The following ZNF254 variants were observed in gnomAD, a reference collection of about 807,000 sequenced individuals.
ZNF254 encodes zinc finger protein 254, also known as CTD-2017D11.1.
Under a neutral mutation model 12.4 loss-of-function variants are expected in ZNF254, and 10 were observed. That is an observed-to-expected ratio of 0.80 (90% CI 0.50 to 1.36). The LOEUF (loss-of-function observed/expected upper bound fraction) is 1.36, where lower values mean the gene tolerates loss of function less well. ZNF254 is among the 40% of genes most tolerant of loss of function. The pLI, the probability that ZNF254 is intolerant of heterozygous loss-of-function variation, is 0.00. For missense variants in ZNF254, 996 were observed against 763.9 expected (o/e 1.30, Z -3.58); for synonymous variants, 305 against 253.4 (o/e 1.20, Z -1.93).
intron 3 of ZNF254, among the ~76,000 whole-genome samples, chr19:24,116,815 C>G: frequency 6.6e-6 from 1 of 152,064 alleles, no homozygotes; most frequent in South Asian, 2.1e-4. Context: ...TTTTCCCCAT[C>G]TTTGTGGTTT....
At chr19:24,124,075 T>C (rs1282337764) in intron 3 of ZNF254, among the ~76,000 whole-genome samples, 3 of 152,082 alleles carry the variant, frequency 2.0e-5, no homozygotes, top group Non-Finnish European at 2.9e-5. Context: ...TTTCCATCTT[T>C]CTTTGTGTCT....
chr19:24,081,003 G>A (rs1167754478), intron 2 of ZNF254, among the ~76,000 whole-genome samples: 1 of 147,138 alleles, frequency 6.8e-6, no homozygotes, highest in Non-Finnish European at 1.5e-5. Context: ...CATAAACCCG[G>A]GAGGCCGAAG....
At chr19:24,093,348 C>T (rs1972502734) in intron 1 of ZNF254, among the ~76,000 whole-genome samples, 1 of 151,994 alleles carries the variant, frequency 6.6e-6, no homozygotes, top group African/African-American at 2.4e-5. Context: ...TTTGTATCTT[C>T]AATTATGAAT....
intron 1 of ZNF254, among the ~76,000 whole-genome samples, chr19:24,045,038 C>T (rs1212516714): frequency 6.6e-6 from 1 of 152,208 alleles, no homozygotes; most frequent in Non-Finnish European, 1.5e-5. Context: ...GATTGTCTCT[C>T]TTAGCTGAGA....
In ZNF254 at chr19:24,048,747, C is replaced by T. The variant is rs181016482; in HGVS notation, c.-94+2468C>T. 4.7e-4 allele frequency among the ~76,000 whole-genome samples: 71 copies of T among 151,658 alleles called. 1 individual carries two copies. Among genetic ancestry groups the T allele is most frequent in the African/African-American group, 1.5e-3 (64 of 41,314 alleles). On this transcript the variant is annotated intron_variant, in intron 2 of 4. Coordinates refer to the ZNF254 transcript ENST00000613065. ...TGCTCCTTCCTGTACACTGCAGTTG[C>T]TGTTGTTTTAGATTTCTTTCACCTA...
In ZNF254 at chr19:24,093,799, A is replaced by AT. The variant is rs563922669; in HGVS notation, c.30+6473dup. Among the ~76,000 whole-genome samples the AT allele has an allele frequency of 1.7e-4, 26 of 148,668 alleles. 1 individual carries two copies. The highest frequency in any genetic ancestry group is 5.9e-4 in the East Asian group (3 of 5,088). On this transcript the variant is annotated intron_variant, in intron 1 of 3. Coordinates refer to ENST00000357002, the MANE Select transcript of ZNF254 (RefSeq NM_203282.4). ...TTGGTTTTATATGAATTTTACAATA[A>AT]TTTTTTTTTTTAGTTCTTTTAAAAA...
intron 2 of ZNF254, chr19:24,049,080 A>G (rs1380117734): frequency 1.3e-4 from 18 of 140,458 alleles, no homozygotes; most frequent in Admixed American, 1.0e-3. Context: ...CTACCTACCT[A>G]ACTACCTACC....
At chr19:24,052,919 G>T (rs1447407379) in intron 2 of ZNF254, among the ~76,000 whole-genome samples, 1 of 152,056 alleles carries the variant, frequency 6.6e-6, no homozygotes, top group Non-Finnish European at 1.5e-5. Context: ...TTTCTTCTTT[G>T]TATGAAGGTC....
intron 1 of ZNF254, among the ~76,000 whole-genome samples, chr19:24,037,532 C>T (rs1199962795): frequency 6.6e-6 from 1 of 152,222 alleles, no homozygotes; most frequent in Non-Finnish European, 1.5e-5. Context: ...CTCCTGGGCT[C>T]AAGCAGTTCT....
chr19:24,048,796 A>G (rs1970508824), intron 2 of ZNF254: 1 of 151,876 alleles, frequency 6.6e-6, no homozygotes, highest in African/African-American at 2.4e-5. Context: ...TTACTTGATC[A>G]CAGCTAACTA....
In ZNF254 at chr19:24,034,137, A is replaced by G. The variant is rs544223157; in HGVS notation, c.-190+516A>G. ...CACGCCTGGCTAGTTTTGTATTTCTAGTAGAGAAGTGGTTTTGCCATGGTG... is the reference window on the plus strand; with the variant it reads ...CACGCCTGGCTAGTTTTGTATTTCTGGTAGAGAAGTGGTTTTGCCATGGTG... On this transcript the variant is annotated intron_variant, in intron 1 of 4. Transcript: ENST00000613065. 4.6e-5 allele frequency among the ~76,000 whole-genome samples: 7 copies of G among 152,134 alleles called. No homozygotes were observed. The South Asian group carries it at 8.3e-4, about 18-fold the overall frequency.
At chr19:24,105,385 G>C in intron 1 of ZNF254, 1 of 240,896 alleles carries the variant, frequency 4.2e-6, no homozygotes, top group Non-Finnish European at 8.0e-6. Flanking sequence ...AAAAACAACA[G>C]GCTCTTCCAC....
chr19:24,117,623 A>C (rs748811838), intron 3 of ZNF254, among the ~76,000 whole-genome samples: 2 of 152,044 alleles, frequency 1.3e-5, no homozygotes, highest in Non-Finnish European at 2.9e-5. Context: ...TAGGAAAGGG[A>C]ACTCCCTGAC....
In ZNF254 at chr19:24,126,796, T is replaced by C; in HGVS notation, c.796T>C (p.Tyr266His). ...AATAATTCATGCTGGAGAGAAACTC[T>C]ACAAATGTGAAGAATGTGGTGAAGC... is the stretch of plus-strand genomic sequence containing the variant. ...HEIIHAGEKL[Y>H]KCEECGEAFN... is the part of the protein sequence containing the mutation. Residue 266 changes from tyrosine (Y) to histidine (H), a missense_variant, in exon 4 of 4, where the codon TAC becomes CAC. Tyr to His is a moderately conservative substitution (Grantham distance 83, BLOSUM62 2). Coordinates refer to ENST00000357002, the MANE Select transcript of ZNF254 (RefSeq NM_203282.4). 2 of 1,613,314 alleles carry C rather than the reference T, an allele frequency of 1.2e-6. No homozygotes were observed. The highest frequency in any genetic ancestry group is 1.7e-6 in the Non-Finnish European group (2 of 1,179,738).
upstream of ZNF254, among the ~76,000 whole-genome samples, chr19:24,085,728 C>T (rs1005735247): frequency 1.3e-4 from 20 of 151,018 alleles, no homozygotes; most frequent in Non-Finnish European, 2.2e-4. Context: ...GCCAAGATTG[C>T]GCCACTGCAC....
chr19:24,051,558 A>C (rs866773469), intron 2 of ZNF254, among the ~76,000 whole-genome samples: 7 of 152,058 alleles, frequency 4.6e-5, no homozygotes, highest in African/African-American at 1.7e-4. Flanking sequence ...ATCTCTGCAC[A>C]AAAAGGGATT....
intron 2 of ZNF254, among the ~76,000 whole-genome samples, chr19:24,059,038 G>C (rs913439490): frequency 1.3e-5 from 2 of 152,212 alleles, no homozygotes; most frequent in South Asian, 4.1e-4. Flanking sequence ...TCCACCTGCA[G>C]CAAAGATTGT....
Position 24,126,273 on chromosome 19 carries a change from T to C in ZNF254, c.273T>C (p.Ala91=). 1 of 1,503,764 alleles carries C rather than the reference T, an allele frequency of 6.6e-7. No homozygotes were observed. The highest frequency in any genetic ancestry group is 8.9e-7 in the Non-Finnish European group (1 of 1,129,356). 93.2% of individuals were successfully genotyped at this position (1,503,764 alleles called of 1,614,324 possible). The change falls in exon 4 of 4, where the codon GCT becomes GCC. Residue 91 remains alanine (A), a synonymous_variant. Transcript: ENST00000357002. The part of the protein sequence containing the change: ...DEPPGMCPHF[A]QDLWPEQGME... ...TTTCAGGTATGTGTCCTCATTTTGCTCAAGACCTTTGGCCAGAGCAGGGCA... is the reference window on the plus strand; with the variant it reads ...TTTCAGGTATGTGTCCTCATTTTGCCCAAGACCTTTGGCCAGAGCAGGGCA...
At chr19:24,089,310 C>T (rs965313755) in intron 1 of ZNF254, among the ~76,000 whole-genome samples, 7 of 152,256 alleles carry the variant, frequency 4.6e-5, no homozygotes, top group African/African-American at 1.4e-4. Flanking sequence ...TTTGATGGCA[C>T]ATTTAAAAAG....
Sources: gnomAD v4.1 joint callset for allele counts (sites outside exome capture counted in the v4.1 genomes callset) on GRCh38, gnomAD v4.1.1 for gene constraint, MANE v1.5 for transcripts, NCBI Gene and HGNC (gene_info 2026-07-23, HGNC 2026-07-21) for gene names.